The following CSMD1 variants were observed in gnomAD, a reference collection of about 807,000 sequenced individuals.
The protein encoded by CSMD1 is CUB and Sushi multiple domains 1, also known as CUB and sushi domain-containing protein 1.
Under a neutral mutation model 417.5 loss-of-function variants are expected in CSMD1, and 213 were observed. The ratio of observed to expected loss-of-function variants is 0.51; its 90% CI spans 0.46 to 0.57. The LOEUF (loss-of-function observed/expected upper bound fraction) is 0.57, where lower values mean the gene tolerates loss of function less well. CSMD1 is among the 20% of genes least tolerant of loss of function. The probability of loss-of-function intolerance (pLI) is 0.00; values close to 1 mark genes in which losing one functional copy is unlikely to be tolerated. For missense variants in CSMD1, 6,923 were observed against 4,529.7 expected, an observed-to-expected ratio of 1.53 and a Z score of -15.17; for synonymous variants, 2,862 against 1,736.8, an observed-to-expected ratio of 1.65 and a Z score of -16.11.
chr8:4,688,733 C>G (rs1008192966), intron 1 of CSMD1, among the ~76,000 whole-genome samples: 1 of 152,112 alleles, frequency 6.6e-6, no homozygotes, highest in Non-Finnish European at 1.5e-5. Flanking sequence ...CTCATTACCT[C>G]ATGCAGTGAG....
At chr8:3,068,088 T>C (rs555958679) in intron 49 of CSMD1, among the ~76,000 whole-genome samples, 6 of 152,210 alleles carry the variant, frequency 3.9e-5, no homozygotes, top group Admixed American at 2.6e-4. Context: ...TCTCACTGCA[T>C]GTGTCACTAA....
chr8:4,043,750 T>A (rs571578839), intron 3 of CSMD1, among the ~76,000 whole-genome samples: 1 of 152,216 alleles, frequency 6.6e-6, no homozygotes, highest in Admixed American at 6.5e-5. Flanking sequence ...ACTATTGATA[T>A]CTTGCTGAGC....
chr8:4,815,791 T>C (rs925423939), intron 1 of CSMD1, among the ~76,000 whole-genome samples: 2 of 151,872 alleles, frequency 1.3e-5, no homozygotes, highest in Non-Finnish European at 1.5e-5. Flanking sequence ...ATATTAGTAA[T>C]TTATCTTATA....
intron 3 of CSMD1, among the ~76,000 whole-genome samples, chr8:4,202,198 C>A (rs368077048): frequency 6.6e-6 from 1 of 151,870 alleles, no homozygotes; most frequent in South Asian, 2.1e-4. Flanking sequence ...CTTATAATGA[C>A]GCAACAAAAT....
intron 3 of CSMD1, among the ~76,000 whole-genome samples, chr8:4,180,490 G>C (rs544364053): frequency 6.6e-6 from 1 of 151,476 alleles, no homozygotes; most frequent in South Asian, 2.1e-4. Flanking sequence ...TGACGAGTTA[G>C]TGGGTGCAGC....
At chr8:4,332,574 C>T (rs879388615) in intron 3 of CSMD1, among the ~76,000 whole-genome samples, 2 of 133,262 alleles carry the variant, frequency 1.5e-5, no homozygotes, top group African/African-American at 6.9e-5. Flanking sequence ...CACACACACA[C>T]ACACACACAC....
At chr8:4,746,461 G>A (rs187521717) in intron 1 of CSMD1, among the ~76,000 whole-genome samples, 3 of 152,272 alleles carry the variant, frequency 2.0e-5, no homozygotes, top group African/African-American at 4.8e-5. Context: ...CACAATATCA[G>A]GCTCCCTCAA....
At chr8:4,739,745 T>A (rs942266045) in intron 1 of CSMD1, among the ~76,000 whole-genome samples, 1 of 152,090 alleles carries the variant, frequency 6.6e-6, no homozygotes, top group Non-Finnish European at 1.5e-5. Flanking sequence ...TTGCTCCCTA[T>A]CCCTTCCCAC....
intron 5 of CSMD1, among the ~76,000 whole-genome samples, chr8:3,809,715 C>G (rs1468040313): frequency 6.6e-6 from 1 of 152,124 alleles, no homozygotes; most frequent in Non-Finnish European, 1.5e-5. Flanking sequence ...TGCCACGAAT[C>G]TATAGGTCTT....
At chr8:4,609,013 A>C (rs1258814469) in intron 2 of CSMD1, among the ~76,000 whole-genome samples, 2 of 82,458 alleles carry the variant, frequency 2.4e-5, no homozygotes, top group African/African-American at 1.6e-4. Context: ...TTGAATGTAG[A>C]AAAAAAAAAA....
chr8:4,302,874 A>T (rs1237259828), intron 3 of CSMD1, among the ~76,000 whole-genome samples: 2 of 152,038 alleles, frequency 1.3e-5, no homozygotes, highest in Non-Finnish European at 2.9e-5. Context: ...AGCAGTTTAA[A>T]TGTTGGCCTC....
intron 2 of CSMD1, among the ~76,000 whole-genome samples, chr8:4,461,094 G>A (rs541379218): frequency 4.0e-5 from 6 of 150,720 alleles, no homozygotes; most frequent in African/African-American, 1.5e-4. Context: ...AGGAATGCAA[G>A]ATAGGCTTAG....
intron 21 of CSMD1, among the ~76,000 whole-genome samples, chr8:3,353,402 C>A (rs919920784): frequency 2.6e-5 from 4 of 152,194 alleles, no homozygotes; most frequent in East Asian, 1.9e-4. Flanking sequence ...CAAGATACCA[C>A]CAAATAGCTC....
chr8:4,117,385 G>T (rs73658583), intron 3 of CSMD1, among the ~76,000 whole-genome samples: 4 of 151,056 alleles, frequency 2.6e-5, no homozygotes, highest in African/African-American at 9.7e-5. Context: ...CCAGGCAAAG[G>T]AGCTCCCAAG....
intron 5 of CSMD1, among the ~76,000 whole-genome samples, chr8:3,929,270 C>T (rs1289109856): frequency 1.3e-5 from 2 of 150,348 alleles, no homozygotes; most frequent in Admixed American, 6.6e-5. Context: ...TGATTTTCCC[C>T]CTACATTCCC....
intron 1 of CSMD1, among the ~76,000 whole-genome samples, chr8:4,859,953 A>G (rs1260839416): frequency 1.3e-5 from 2 of 152,138 alleles, no homozygotes; most frequent in Non-Finnish European, 2.9e-5. Flanking sequence ...ATAAAGACAC[A>G]TGCACACATA....
chr8:4,377,354 C>T (rs1802819215), intron 3 of CSMD1, among the ~76,000 whole-genome samples: 1 of 152,150 alleles, frequency 6.6e-6, no homozygotes, highest in Non-Finnish European at 1.5e-5. Flanking sequence ...ACTAATTTGG[C>T]TTTTAATGGT....
rs78852043 is a variant in CSMD1 at position 4,656,144 on chromosome 8, G to C, written c.86-18586C>G. Among the ~76,000 whole-genome samples the C allele has an allele frequency of 3.9e-4, 59 of 152,102 alleles. 1 individual carries two copies. In the East Asian group the frequency reaches 0.01, roughly 27 times the overall value. The stretch of plus-strand genomic sequence containing the variant: ...GTGTGTCAATGAGAGGTGATGTGAA[G>C]CAAGGATTAAAGGGAATGAGGGAAA... On this transcript the variant is annotated intron_variant, in intron 1 of 69. Coordinates refer to ENST00000635120, the MANE Select transcript of CSMD1 (RefSeq NM_033225.6).
At chr8:4,619,650 A>G (rs1206733682) in intron 2 of CSMD1, among the ~76,000 whole-genome samples, 1 of 152,136 alleles carries the variant, frequency 6.6e-6, no homozygotes, top group Non-Finnish European at 1.5e-5. Context: ...ATGGGACGTC[A>G]TATTTTTATT....
Sources: gnomAD v4.1 joint callset for allele counts (sites outside exome capture counted in the v4.1 genomes callset) on GRCh38, gnomAD v4.1.1 for gene constraint, MANE v1.5 for transcripts, NCBI Gene and HGNC (gene_info 2026-07-23, HGNC 2026-07-21) for gene names.